Variants in ZNF565 observed in about 807,000 individuals in gnomAD.
The protein encoded by ZNF565 is zinc finger protein 565.
Under a neutral mutation model 39.4 loss-of-function variants are expected in ZNF565, and 27 were observed. That is an observed-to-expected ratio of 0.69 (90% CI 0.51 to 0.95). ZNF565 has a LOEUF of 0.95. Among genes scored for constraint, ZNF565 ranks in the 40% least tolerant of loss-of-function variants. The pLI is 0.00. For synonymous variants in ZNF565, 185 were observed against 216.6 expected, an observed-to-expected ratio of 0.85 and a Z score of 1.28; for missense variants, 524 against 621.1, an observed-to-expected ratio of 0.84 and a Z score of 1.66.
At position 36,183,385 on chromosome 19, in the gene ZNF565, G is replaced by C; in HGVS notation, c.581C>G (p.Pro194Arg). The change falls in exon 5 of 5, where the codon CCC (proline) becomes CGC (arginine). Residue 194 changes from proline to arginine, a missense_variant. Pro to Arg is a moderately radical substitution (Grantham distance 103). Transcript: ENST00000304116. ...CTTCCCACATTCCTTACATCCAAAG[G>C]GTTTTTCACCAGTGTGAATTTTCTG... ...QHQKIHTGEK[P>R]FGCKECGKAF... 1.2e-6 allele frequency: 2 copies of C among 1,608,400 alleles called. No homozygotes were observed. The highest frequency in any genetic ancestry group is 1.7e-6 in the Non-Finnish European group (2 of 1,174,988).
At chr19:36,197,954 C>G (rs767573458) in intron 2 of ZNF565, among the ~76,000 whole-genome samples, 4 of 151,998 alleles carry the variant, frequency 2.6e-5, no homozygotes, top group Admixed American at 6.6e-5. Flanking sequence ...TCGAGACCAG[C>G]CTGGCCAACA....
intron 4 of ZNF565, among the ~76,000 whole-genome samples, chr19:36,188,370 A>G (rs533384433): frequency 3.7e-5 from 5 of 135,322 alleles, no homozygotes; most frequent in Non-Finnish European, 6.8e-5. Context: ...GGAAAAATAA[A>G]AGAGAGAGAG....
At chr19:36,201,831 C>T in intron 2 of ZNF565, 146 bp downstream of exon 2, 1 of 879,736 alleles carries the variant, frequency 1.1e-6, no homozygotes, top group Non-Finnish European at 1.8e-6. Flanking sequence ...GAGAGGGCCA[C>T]CGAGGGACTT....
In ZNF565 at chr19:36,182,399, A is replaced by G. The variant is rs1568406852; in HGVS notation, c.*67T>C. On this transcript the variant is annotated 3_prime_UTR_variant, in exon 5 of 5. Transcript: ENST00000304116. ...CATTAATTACACTACATTAAAAATT[A>G]CCTAGTACTGAGCCAGATGTGAACT... is the stretch of plus-strand genomic sequence containing the variant. 4.3e-6 allele frequency: 6 copies of G among 1,400,154 alleles called. No individual in the cohort carries two copies. In the Admixed American group the frequency reaches 1.4e-4, roughly 33 times the overall value. The allele number at this position is 1,400,154 out of a possible 1,614,324, so 86.7% of individuals were successfully genotyped here.
At chr19:36,185,366 A>C (rs1975253047) in intron 4 of ZNF565, among the ~76,000 whole-genome samples, 1 of 150,922 alleles carries the variant, frequency 6.6e-6, no homozygotes, top group African/African-American at 2.4e-5. Context: ...GTGAGCTGAG[A>C]TCGCACCACT....
intron 1 of ZNF565, among the ~76,000 whole-genome samples, chr19:36,242,511 G>A (rs545230265): frequency 1.9e-3 from 296 of 152,128 alleles, no homozygotes; most frequent in African/African-American, 5.9e-3. Context: ...GGTGGATCAC[G>A]AGATCAAGAG....
chr19:36,243,313 C>T (rs1019883144), intron 1 of ZNF565, among the ~76,000 whole-genome samples: 3 of 152,102 alleles, frequency 2.0e-5, no homozygotes, highest in South Asian at 2.1e-4. Flanking sequence ...GGATTACAAG[C>T]GTGAGCCACT....
chr19:36,202,792 CA>C (rs1264537356), intron 1 of ZNF565, among the ~76,000 whole-genome samples: 5 of 152,180 alleles, frequency 3.3e-5, no homozygotes, highest in Admixed American at 2.6e-4. Context: ...CTGGGCATCT[CA>C]CTGGCTCCAC....
At chr19:36,240,129 A>C (rs1568439952) in intron 1 of ZNF565, among the ~76,000 whole-genome samples, 1 of 152,238 alleles carries the variant, frequency 6.6e-6, no homozygotes, top group Non-Finnish European at 1.5e-5. Flanking sequence ...CTCTGTATCC[A>C]TGGGCTCTGC....
chr19:36,201,636 G>A (rs551247451), intron 2 of ZNF565, among the ~76,000 whole-genome samples: 3 of 152,102 alleles, frequency 2.0e-5, no homozygotes, highest in African/African-American at 7.2e-5. Context: ...TACCATGCCC[G>A]GCTAATTTTT....
chr19:36,221,434 G>A (rs1976833519), intron 1 of ZNF565, among the ~76,000 whole-genome samples: 1 of 151,772 alleles, frequency 6.6e-6, no homozygotes, highest in African/African-American at 2.4e-5. Context: ...GACTATAGGT[G>A]TCAGCCACCA....
At chr19:36,217,452 C>T (rs944274452), upstream of ZNF565, among the ~76,000 whole-genome samples, 10 of 151,648 alleles carry the variant, frequency 6.6e-5, no homozygotes, top group Non-Finnish European at 1.5e-4. Context: ...TGGTGTACAT[C>T]GATACAACAA....
intron 1 of ZNF565, among the ~76,000 whole-genome samples, chr19:36,221,092 C>T (rs764492544): frequency 4.6e-5 from 7 of 152,066 alleles, no homozygotes; most frequent in African/African-American, 1.2e-4. Flanking sequence ...ACTTCCTACT[C>T]GTCTTGGCCT....
chr19:36,200,791 T>G (rs1412019840), intron 2 of ZNF565, among the ~76,000 whole-genome samples: 1 of 151,624 alleles, frequency 6.6e-6, no homozygotes, highest in African/African-American at 2.4e-5. Flanking sequence ...CCAGCATATA[T>G]ATATATTTTC....
chr19:36,233,567 G>A (rs201307605), intron 1 of ZNF565, among the ~76,000 whole-genome samples: 21 of 152,062 alleles, frequency 1.4e-4, no homozygotes, highest in Admixed American at 1.4e-3. Context: ...GGCGTTTCTC[G>A]GAGAGGGGGA....
At chr19:36,232,069 G>C (rs1977399360) in intron 1 of ZNF565, among the ~76,000 whole-genome samples, 1 of 151,818 alleles carries the variant, frequency 6.6e-6, no homozygotes, top group South Asian at 2.1e-4. Context: ...TGGGCGTGGT[G>C]ATGCACACCT....
intron 1 of ZNF565, among the ~76,000 whole-genome samples, chr19:36,244,287 C>T (rs1977843964): frequency 6.6e-6 from 1 of 152,198 alleles, no homozygotes; most frequent in Non-Finnish European, 1.5e-5. Context: ...AGGCCGGATG[C>T]GGTGGCTCAC....
intron 1 of ZNF565, among the ~76,000 whole-genome samples, chr19:36,242,570 A>G (rs192866434): frequency 2.0e-5 from 3 of 152,014 alleles, no homozygotes; most frequent in Non-Finnish European, 4.4e-5. Context: ...TACTAAGAAT[A>G]CAAAAATTAC....
chr19:36,218,093 A>ATTTTTTTTTTTTTTT (rs745884262), upstream of ZNF565: 4 of 108,644 alleles, frequency 3.7e-5, no homozygotes, highest in African/African-American at 1.4e-4. Flanking sequence ...GCATGAGCTA[A>ATTTTTTTTTTTTTTT]TTTTTTTTTT....
Sources: allele counts gnomAD v4.1 joint callset (sites outside exome capture counted in the v4.1 genomes callset), GRCh38; gene constraint gnomAD v4.1.1; transcripts MANE v1.5; gene names NCBI Gene and HGNC (gene_info 2026-07-23, HGNC 2026-07-21).